Variants in XYLB observed in about 807,000 individuals in gnomAD.
XYLB encodes xylulose kinase.
In XYLB, 62 loss-of-function variants were observed where a neutral mutation model predicts 78.7. The ratio of observed to expected loss-of-function variants is 0.79; its 90% CI spans 0.64 to 0.97. The LOEUF (loss-of-function observed/expected upper bound fraction) is 0.97, where lower values mean the gene tolerates loss of function less well. XYLB is among the 50% of genes least tolerant of loss of function. The pLI is 0.00. For synonymous variants in XYLB, 245 were observed against 247.4 expected, an observed-to-expected ratio of 0.99 and a Z score of 0.09; for missense variants, 687 against 676.8, an observed-to-expected ratio of 1.02 and a Z score of -0.17.
chr3:38,428,924 T>C, the XYLB span, among the ~76,000 whole-genome samples: 1 of 152,204 alleles, frequency 6.6e-6, no homozygotes, highest in African/African-American at 2.4e-5. Flanking sequence ...TGATGGATAA[T>C]GTTAAATGCT....
intron 18 of XYLB, among the ~76,000 whole-genome samples, 198 bp from the exon 19 acceptor site, chr3:38,412,738 T>G (rs553475227): frequency 3.9e-4 from 59 of 152,324 alleles, no homozygotes; most frequent in African/African-American, 1.4e-3. Flanking sequence ...TTGTCATAAT[T>G]TACAGTTTTA....
In XYLB at chr3:38,413,001, G is replaced by T. The variant is rs1553664981; in HGVS notation, c.1599G>T (p.Gly533=). 48 of 1,600,250 alleles carry T rather than the reference G, an allele frequency of 3.0e-5. 1 individual carries two copies. The South Asian group carries it at 4.8e-4, about 16-fold the overall frequency. ...AGAGAATCTTGTCTCAGACCCGGGGGCCTCCGGAGTGAACAGGCATCCCTG... is the reference window on the plus strand; with the variant it reads ...AGAGAATCTTGTCTCAGACCCGGGGTCCTCCGGAGTGAACAGGCATCCCTG... The part of the protein sequence containing the change: ...LEQRILSQTR[G]PPE The change falls in exon 19 of 19, where the codon GGG becomes GGT. Residue 533 remains glycine, a synonymous_variant. Coordinates refer to ENST00000207870, the MANE Select transcript of XYLB (RefSeq NM_005108.4).
chr3:38,429,753 G>C, the XYLB span, among the ~76,000 whole-genome samples: 1 of 152,112 alleles, frequency 6.6e-6, no homozygotes, highest in Non-Finnish European at 1.5e-5. Flanking sequence ...TCCCCTCCCT[G>C]TGTCCAAGTG....
chr3:38,398,141 G>A (rs1033072128), intron 17 of XYLB, among the ~76,000 whole-genome samples: 5 of 151,070 alleles, frequency 3.3e-5, no homozygotes, highest in Non-Finnish European at 5.9e-5. Flanking sequence ...TTCTATCAAC[G>A]TTGAGAATTA....
At chr3:38,367,628 A>G (rs1227756227) in intron 7 of XYLB, among the ~76,000 whole-genome samples, 1 of 152,186 alleles carries the variant, frequency 6.6e-6, no homozygotes, top group African/African-American at 2.4e-5. Flanking sequence ...AGGTGATAAC[A>G]TTCTCTCCAC....
At chr3:38,426,154 C>A (rs1339345386), downstream of XYLB, among the ~76,000 whole-genome samples, 1 of 152,206 alleles carries the variant, frequency 6.6e-6, no homozygotes, top group Non-Finnish European at 1.5e-5. Context: ...TTTCACAGTA[C>A]AAACAGCAGA....
At chr3:38,388,942 A>G (rs1707517972) in intron 15 of XYLB, among the ~76,000 whole-genome samples, 1 of 150,514 alleles carries the variant, frequency 6.6e-6, no homozygotes, top group Non-Finnish European at 1.5e-5. Flanking sequence ...AGATTTGATA[A>G]TTTTCTTTCT....
intron 18 of XYLB, among the ~76,000 whole-genome samples, chr3:38,411,082 A>G (rs932520578): frequency 6.6e-6 from 1 of 152,200 alleles, no homozygotes; most frequent in Non-Finnish European, 1.5e-5. Flanking sequence ...ACATGCAGAC[A>G]TATGTTTATT....
chr3:38,360,204 A>T, intron 2 of XYLB, 135 bp from the exon 3 acceptor site: 1 of 821,392 alleles, frequency 1.2e-6, no homozygotes, highest in South Asian at 1.4e-5. Context: ...TTCAATCAAC[A>T]GTTCCCACTT....
At chr3:38,395,386 A>G (rs1175492028) in intron 15 of XYLB, 119 bp from the exon 16 acceptor site, 1 of 845,552 alleles carries the variant, frequency 1.2e-6, no homozygotes, top group Non-Finnish European at 2.0e-6. Context: ...GTCCTGTGTG[A>G]TAAGTGGGAG....
At chr3:38,416,320 A>T (rs1708792880), downstream of XYLB, among the ~76,000 whole-genome samples, 1 of 152,220 alleles carries the variant, frequency 6.6e-6, no homozygotes, top group Admixed American at 6.5e-5. Context: ...AAAAAGGGAG[A>T]TTTAGAGCAT....
chr3:38,434,141 G>C, the XYLB span, among the ~76,000 whole-genome samples: 1 of 152,158 alleles, frequency 6.6e-6, no homozygotes, highest in African/African-American at 2.4e-5. Flanking sequence ...ACAGCATGGG[G>C]AAAACCATCT....
In XYLB at chr3:38,375,204, G is replaced by A. The variant is rs1402545926; in HGVS notation, c.949G>A (p.Glu317Lys). The change falls in exon 12 of 19, where the codon GAA becomes AAA. Residue 317 changes from glutamate to lysine, a missense_variant. Glu to Lys is a moderately conservative substitution (Grantham distance 56). Coordinates refer to ENST00000207870, the MANE Select transcript of XYLB (RefSeq NM_005108.4). ...GCTCCAAGAGCCCATGCCTGCCCTGGAAGGCCACATCTTCTGCAACCCGGT... is the reference window on the plus strand; with the variant it reads ...GCTCCAAGAGCCCATGCCTGCCCTGAAAGGCCACATCTTCTGCAACCCGGT... ...LWLQEPMPAL[E>K]GHIFCNPVDS... 6.2e-7 allele frequency: 1 copy of A among 1,614,202 alleles called. No homozygotes were observed. The highest frequency in any genetic ancestry group is 1.1e-5 in the South Asian group (1 of 91,078).
chr3:38,423,306 T>C (rs1559631375), downstream of XYLB, among the ~76,000 whole-genome samples: 1 of 152,154 alleles, frequency 6.6e-6, no homozygotes, highest in Non-Finnish European at 1.5e-5. Context: ...TCTCCTGACC[T>C]TGTGATCCAC....
chr3:38,381,718 G>C lies in XYLB; in HGVS notation c.1291+2376G>C, dbSNP rs1707154771. 2.0e-5 allele frequency among the ~76,000 whole-genome samples: 3 copies of C among 152,176 alleles called. No homozygotes were observed. The South Asian group carries it at 6.2e-4, about 32-fold the overall frequency. ...CTCCAGTCTCCCATAGTGCTCCCAG[G>C]CTTATTAGGAAGAGGAAATTCCCAC... On this transcript the variant is annotated intron_variant, in intron 15 of 18. Coordinates refer to ENST00000207870, the MANE Select transcript of XYLB (RefSeq NM_005108.4).
At chr3:38,451,645 C>CA in the XYLB span, 3 of 152,372 alleles carry the variant, frequency 2.0e-5, no homozygotes, top group Non-Finnish European at 2.9e-5. Flanking sequence ...AAAACAAAAA[C>CA]AAAAACAACT....
At chr3:38,360,683 G>A (rs1486382137) in intron 3 of XYLB, among the ~76,000 whole-genome samples, 3 of 152,344 alleles carry the variant, frequency 2.0e-5, no homozygotes, top group South Asian at 2.1e-4. Context: ...ATAACACAGA[G>A]CAAATCTTTT....
intron 11 of XYLB, 33 bp downstream of exon 11, chr3:38,374,535 C>G: frequency 6.2e-7 from 1 of 1,613,610 alleles, no homozygotes; most frequent in East Asian, 2.2e-5. Flanking sequence ...TAGGCTCTTT[C>G]TGTTTCCACA....
downstream of XYLB, among the ~76,000 whole-genome samples, chr3:38,419,578 T>C (rs1007091162): frequency 2.9e-5 from 2 of 68,280 alleles, no homozygotes; most frequent in African/African-American, 8.8e-5. Flanking sequence ...TTATTTTTCT[T>C]TATATATATA....
Sources: allele counts gnomAD v4.1 joint callset (sites outside exome capture counted in the v4.1 genomes callset), GRCh38; gene constraint gnomAD v4.1.1; transcripts MANE v1.5; gene names NCBI Gene and HGNC (gene_info 2026-07-23, HGNC 2026-07-21).